GARIN1B: variants seen among roughly 807,000 people sequenced by gnomAD.
The protein encoded by GARIN1B is Golgi-associated RAB2 interactor protein 1B.
At chr7:128,711,654 T>TACACACAC in the GARIN1B span, among the ~76,000 whole-genome samples, 10 of 107,798 alleles carry the variant, frequency 9.3e-5, no homozygotes, top group Non-Finnish European at 1.9e-4. Context: ...ATTTTGGTTT[T>TACACACAC]ACAGACACAC....
the GARIN1B span, among the ~76,000 whole-genome samples, chr7:128,723,846 T>C: frequency 6.6e-6 from 1 of 151,968 alleles, no homozygotes; most frequent in Admixed American, 6.6e-5. Flanking sequence ...CAGGACAACC[T>C]TCCTCCAGCT....
At chr7:128,717,830 G>T in the GARIN1B span, among the ~76,000 whole-genome samples, 1 of 151,492 alleles carries the variant, frequency 6.6e-6, no homozygotes, top group Non-Finnish European at 1.5e-5. Context: ...GTGACATCAT[G>T]CTTGTCTGGG....
At chr7:128,726,777 T>C in the GARIN1B span, 9 of 1,602,764 alleles carry the variant, frequency 5.6e-6, no homozygotes, top group African/African-American at 6.7e-5. Context: ...AATTTAATGT[T>C]CTTTTCCTTT....
the GARIN1B span, chr7:128,714,073 A>G: frequency 2.5e-4 from 388 of 1,535,818 alleles, 2 homozygotes; most frequent in African/African-American, 4.7e-3. Context: ...GAGCTATAAC[A>G]GGTGCTGGAG....
the GARIN1B span, among the ~76,000 whole-genome samples, chr7:128,729,333 A>G: frequency 6.6e-6 from 1 of 152,200 alleles, no homozygotes; most frequent in Non-Finnish European, 1.5e-5. Context: ...CTATTATTGC[A>G]GTGCTTCCCA....
chr7:128,711,226 CTATTT>C, the GARIN1B span, among the ~76,000 whole-genome samples: 1 of 151,722 alleles, frequency 6.6e-6, no homozygotes, highest in African/African-American at 2.4e-5. Flanking sequence ...GAAATAGTGA[CTATTT>C]TAATTAAAAA....
At chr7:128,714,038 G>T in the GARIN1B span, 1 of 1,535,176 alleles carries the variant, frequency 6.5e-7, no homozygotes, top group Non-Finnish European at 8.7e-7. Flanking sequence ...GAAAAGTGAG[G>T]TTGGAAGTTG....
At chr7:128,720,070 G>A in the GARIN1B span, among the ~76,000 whole-genome samples, 2 of 152,072 alleles carry the variant, frequency 1.3e-5, no homozygotes, top group African/African-American at 4.8e-5. Context: ...CTGGATACAA[G>A]TTCTTCATCT....
the GARIN1B span, chr7:128,715,496 A>G: frequency 5.6e-6 from 9 of 1,614,154 alleles, no homozygotes; most frequent in Non-Finnish European, 7.6e-6. Flanking sequence ...GAAGACAGTA[A>G]AAGTCACAAG....
At chr7:128,718,809 G>C in the GARIN1B span, 1 of 1,609,152 alleles carries the variant, frequency 6.2e-7, no homozygotes, top group African/African-American at 1.3e-5. Context: ...TTGTCAGTGT[G>C]TGTCTTCCCT....
chr7:128,722,516 A>G, the GARIN1B span, among the ~76,000 whole-genome samples: 1 of 152,178 alleles, frequency 6.6e-6, no homozygotes, highest in South Asian at 2.1e-4. Flanking sequence ...GTTTTAAAAC[A>G]CCAATTAGGC....
the GARIN1B span, chr7:128,729,960 T>G: frequency 6.2e-7 from 1 of 1,613,550 alleles, no homozygotes; most frequent in Non-Finnish European, 8.5e-7. Context: ...GTTGGAGGGC[T>G]TCATTCACGT....
the GARIN1B span, chr7:128,729,811 A>C: frequency 1.8e-5 from 25 of 1,368,700 alleles, no homozygotes; most frequent in African/African-American, 3.3e-4. Context: ...GGTGCCTGGC[A>C]CATCGTAAGC....
At chr7:128,721,512 CCA>C in the GARIN1B span, among the ~76,000 whole-genome samples, 34 of 149,714 alleles carry the variant, frequency 2.3e-4, no homozygotes, top group African/African-American at 4.4e-4. Flanking sequence ...CATACACACA[CCA>C]CACACACACA....
the GARIN1B span, among the ~76,000 whole-genome samples, chr7:128,715,011 A>G: frequency 3.9e-5 from 6 of 152,200 alleles, no homozygotes; most frequent in Admixed American, 3.3e-4. Flanking sequence ...AAGCTTAGGA[A>G]GATGGGGTTT....
the GARIN1B span, chr7:128,729,998 C>G: frequency 6.2e-7 from 1 of 1,614,188 alleles, no homozygotes; most frequent in Non-Finnish European, 8.5e-7. Context: ...GAGAACCCCT[C>G]CGGCCTGCAG....
the GARIN1B span, among the ~76,000 whole-genome samples, chr7:128,710,974 T>C: frequency 6.6e-6 from 1 of 152,178 alleles, no homozygotes; most frequent in Non-Finnish European, 1.5e-5. Flanking sequence ...TTCTTGTTTC[T>C]TTGCTTACCT....
chr7:128,720,121 G>T, the GARIN1B span, among the ~76,000 whole-genome samples: 1 of 151,512 alleles, frequency 6.6e-6, no homozygotes, highest in Non-Finnish European at 1.5e-5. Context: ...TCTATGAATT[G>T]CCTTTCATTT....
chr7:128,715,818 T>C, the GARIN1B span: 1 of 866,912 alleles, frequency 1.2e-6, no homozygotes, highest in Non-Finnish European at 1.8e-6. Context: ...CTAGTGGACC[T>C]GGAATGCAAG....
Sources: allele counts gnomAD v4.1 joint callset (sites outside exome capture counted in the v4.1 genomes callset), GRCh38; gene constraint gnomAD v4.1.1; transcripts MANE v1.5; gene names NCBI Gene and HGNC (gene_info 2026-07-23, HGNC 2026-07-21).